UBA1: variants seen among roughly 807,000 people sequenced by gnomAD.
UBA1 encodes the protein ubiquitin like modifier activating enzyme 1.
UBA1 carries 4 observed loss-of-function variants against 84.7 expected under a neutral mutation model. The observed-to-expected ratio is 0.05, with a 90% CI of 0.02 to 0.11. UBA1 has a LOEUF of 0.11. Among genes scored for constraint, UBA1 ranks in the 10% least tolerant of loss-of-function variants. UBA1 has a pLI of 1.00. For missense variants in UBA1, 513 were observed against 902.8 expected, an observed-to-expected ratio of 0.57 and a Z score of 5.53; for synonymous variants, 364 against 362.6, an observed-to-expected ratio of 1.00 and a Z score of -0.04.
rs782713614 is a variant in UBA1 at position 47,202,120 on chromosome X, T to A, written c.812-36T>A. 7.1e-6 allele frequency: 8 copies of A among 1,123,894 alleles called. No individual in the cohort carries two copies. In the South Asian group the frequency reaches 1.5e-4, roughly 21 times the overall value. 92.6% of individuals were successfully genotyped at this position (1,123,894 alleles called of 1,213,427 possible). A position where few individuals can be genotyped will look rare whatever the true frequency, so the allele number is the denominator to read the frequency against. ...CAGGGGTTGTGGATTTTAGGGAGAA[T>A]GGGTAGACTGACAGCTCTCTTCCTG... On this transcript the variant is annotated intron_variant, in intron 8 of 25. Transcript: ENST00000335972.
Position 47,214,946 on chromosome X carries a change from A to G in UBA1, c.*17A>G, listed in dbSNP as rs1191977812. ...ATCCGCTGACCCCGTCTGCTCCTCTAGGCTGGCCCCTTGTCCACCCCTCTC... is the reference window on the plus strand; with the variant it reads ...ATCCGCTGACCCCGTCTGCTCCTCTGGGCTGGCCCCTTGTCCACCCCTCTC... On this transcript the variant is annotated 3_prime_UTR_variant, in exon 26 of 26. Coordinates refer to ENST00000335972, the MANE Select transcript of UBA1 (RefSeq NM_003334.4). The G allele has an allele frequency of 8.3e-7, 1 of 1,208,423 alleles. No individual in the cohort carries two copies. The highest frequency in any genetic ancestry group is 1.1e-6 in the Non-Finnish European group (1 of 895,220).
Position 47,212,485 on chromosome X carries a change from C to T in UBA1, c.2526C>T (p.Phe842=), listed in dbSNP as rs1936969846. 1 of 1,208,337 alleles carries T rather than the reference C, an allele frequency of 8.3e-7. No homozygotes were observed. The highest frequency in any genetic ancestry group is 2.2e-5 in the Admixed American group (1 of 45,693). ...TLPSPDKLPG[F]KMYPIDFEKD... is the part of the protein sequence containing the mutation. Reference sequence around the variant, plus strand: ...CCAGCCCAGACAAGCTCCCTGGATTCAAGATGTACCCCATTGACTTTGAGA... The same window carrying T: ...CCAGCCCAGACAAGCTCCCTGGATTTAAGATGTACCCCATTGACTTTGAGA... Residue 842 remains phenylalanine, a synonymous_variant, in exon 21 of 26, where the codon TTC becomes TTT. Transcript: ENST00000335972.
chrX:47,214,215 AG>A (rs782737069), intron 23 of UBA1, 111 bp from the exon 24 acceptor site: 29 of 643,072 alleles, frequency 4.5e-5, no homozygotes, highest in South Asian at 1.4e-4. Flanking sequence ...CGAACAAAAG[AG>A]GGTTGTGATC....
intron 12 of UBA1, 40 bp from the exon 13 acceptor site, chrX:47,203,094 G>T: frequency 8.3e-7 from 1 of 1,205,269 alleles, no homozygotes; most frequent in Non-Finnish European, 1.1e-6. Context: ...GGACATTTCT[G>T]GGGAGGCCTC....
At chrX:47,210,962 T>A in intron 19 of UBA1, 46 bp downstream of exon 19, 1 of 1,207,447 alleles carries the variant, frequency 8.3e-7, no homozygotes, top group Non-Finnish European at 1.1e-6. Context: ...GGAGGGTGAA[T>A]AGGTGGGAAG....
intron 16 of UBA1, 199 bp downstream of exon 16, chrX:47,206,643 A>AT (rs1393950238): frequency 1.4e-4 from 61 of 435,515 alleles, no homozygotes; most frequent in Middle Eastern, 6.1e-4. Context: ...TTTTATTTTG[A>AT]TTTTTTTTTC....
chrX:47,205,972 G>A lies in UBA1; in HGVS notation c.1600G>A (p.Ala534Thr). ...GAAGTTAAAGTCTGACACGGCTGCTGCAGCTGTGCGCCAAATGAATCCACA... is the reference window on the plus strand; with the variant it reads ...GAAGTTAAAGTCTGACACGGCTGCTACAGCTGTGCGCCAAATGAATCCACA... Reference protein sequence around the residue: ...VTKLKSDTAAAAVRQMNPHIR... With the variant: ...VTKLKSDTAATAVRQMNPHIR... The change falls in exon 15 of 26, where the codon GCA (alanine) becomes ACA (threonine). Residue 534 changes from alanine (A) to threonine (T), a missense_variant. Transcript: ENST00000335972. 8.3e-7 allele frequency: 1 copy of A among 1,204,236 alleles called. No homozygotes were observed. Among genetic ancestry groups the A allele is most frequent in the Non-Finnish European group, 1.1e-6 (1 of 891,560 alleles).
At chrX:47,198,153 GA>G (rs1556786080) in intron 1 of UBA1, 3 of 954,412 alleles carry the variant, frequency 3.1e-6, no homozygotes, top group South Asian at 4.4e-5. Flanking sequence ...CCCCTCTGGG[GA>G]CTGGGTTCTC....
At chrX:47,211,003 G>A (rs374613755) in intron 19 of UBA1, 33 bp from the exon 20 acceptor site, 28 of 1,208,162 alleles carry the variant, frequency 2.3e-5, no homozygotes, top group Non-Finnish European at 3.0e-5. Context: ...GAGGGCTGAT[G>A]TGCTCACCCT....
At chrX:47,210,803 C>A in intron 18 of UBA1, 39 bp from the exon 19 acceptor site, 1 of 1,184,753 alleles carries the variant, frequency 8.4e-7, no homozygotes, top group Non-Finnish European at 1.1e-6. Flanking sequence ...GAGGCCTTCA[C>A]TCTCAGGTCC....
rs150574055 is a variant in UBA1, at chrX:47,206,074, C to G, written c.1702C>G (p.Leu568Val). ...RIYDDDFFQN[L>V]DGVANALDNV... ...CTATGATGACGATTTTTTCCAAAACCTAGATGGCGTGGCCAATGCCCTGGA... is the reference window on the plus strand; with the variant it reads ...CTATGATGACGATTTTTTCCAAAACGTAGATGGCGTGGCCAATGCCCTGGA... Residue 568 changes from leucine to valine, a missense_variant, in exon 15 of 26, where the codon CTA (leucine) becomes GTA (valine). Coordinates refer to ENST00000335972, the MANE Select transcript of UBA1 (RefSeq NM_003334.4). 4,228 of 1,203,705 alleles carry G rather than the reference C, an allele frequency of 3.5e-3. 55 individuals are homozygous for G. The East Asian group carries it at 0.062, about 18-fold the overall frequency.
At chrX:47,212,384 TG>T in intron 20 of UBA1, 39 bp from the exon 21 acceptor site, 2 of 1,047,444 alleles carry the variant, frequency 1.9e-6, no homozygotes, top group Non-Finnish European at 2.7e-6. Context: ...GACCTTAGCC[TG>T]GGATCTAAAG....
At chrX:47,208,934 C>T (rs1436800401) in intron 16 of UBA1, 2 of 112,922 alleles carry the variant, frequency 1.8e-5, no homozygotes, top group African/African-American at 6.5e-5. Flanking sequence ...TACAACAAAT[C>T]TTAAAAATTA....
At chrX:47,210,339 C>T (rs1331064539) in intron 18 of UBA1, among the ~76,000 whole-genome samples, 3 of 111,619 alleles carry the variant, frequency 2.7e-5, no homozygotes, top group Non-Finnish European at 3.8e-5. Context: ...GTGTGGGCTG[C>T]GTCATACCTG....
chrX:47,200,267 A>C (rs1936355795), intron 5 of UBA1, among the ~76,000 whole-genome samples: 1 of 112,191 alleles, frequency 8.9e-6, no homozygotes, highest in African/African-American at 3.2e-5. Context: ...TGGTAGCAGC[A>C]CTGACTTCAT....
chrX:47,191,496 A>T (rs938890227), upstream of UBA1: 1 of 111,701 alleles, frequency 9.0e-6, no homozygotes, highest in Admixed American at 9.5e-5. Flanking sequence ...AGGCTAGGGA[A>T]GGGACACCGG....
intron 18 of UBA1, among the ~76,000 whole-genome samples, chrX:47,210,431 A>G (rs1384028814): frequency 1.8e-5 from 2 of 111,435 alleles, no homozygotes; most frequent in Non-Finnish European, 3.8e-5. Context: ...TCAAATCCAA[A>G]CTCTACTTGA....
rs1556789365 is a variant in UBA1, at chrX:47,203,548, C to T, written c.1427C>T (p.Ala476Val). The T allele has an allele frequency of 2.5e-6, 3 of 1,208,651 alleles. No homozygotes were observed. The highest frequency in any genetic ancestry group is 2.2e-6 in the Non-Finnish European group (2 of 894,879). ...LGKQKYFLVG[A>V]GAIGCELLKN... ...TTCTTGGTTGCTTCTTAGGTGGGTG[C>T]GGGGGCCATTGGCTGTGAGCTGCTC... is the stretch of plus-strand genomic sequence containing the variant. Residue 476 changes from alanine to valine, a missense_variant, in exon 14 of 26, where the codon GCG becomes GTG. By Grantham distance (64) the Ala-to-Val change is moderately conservative. This residue lies in a region of UBA1 where 55 missense variants were observed against 104.8 expected (regional missense o/e 0.52). Coordinates refer to ENST00000335972, the MANE Select transcript of UBA1 (RefSeq NM_003334.4).
chrX:47,211,324 G>A, intron 20 of UBA1, 99 bp downstream of exon 20: 1 of 978,648 alleles, frequency 1.0e-6, no homozygotes, highest in Non-Finnish European at 1.4e-6. Flanking sequence ...GCTCTGCTCT[G>A]TGACCCCAGG....
Sources: allele counts gnomAD v4.1 joint callset (sites outside exome capture counted in the v4.1 genomes callset), GRCh38; gene constraint gnomAD v4.1.1; regional missense constraint gnomAD v4.1.1; transcripts MANE v1.5; gene names NCBI Gene and HGNC (gene_info 2026-07-23, HGNC 2026-07-21).